The following TTC7B variants were observed in gnomAD, a reference collection of about 807,000 sequenced individuals.
The protein encoded by TTC7B is tetratricopeptide repeat domain 7B, also known as tetratricopeptide repeat protein 7B.
Under a neutral mutation model 106.8 loss-of-function variants are expected in TTC7B, and 28 were observed. The observed-to-expected ratio is 0.26, with a 90% CI of 0.19 to 0.36. TTC7B has a LOEUF of 0.36. Among genes scored for constraint, TTC7B ranks in the 10% least tolerant of loss-of-function variants. TTC7B has a pLI of 1.00. For synonymous variants in TTC7B, 405 were observed against 430.6 expected, an observed-to-expected ratio of 0.94 and a Z score of 0.74; for missense variants, 862 against 1,076.4, an observed-to-expected ratio of 0.80 and a Z score of 2.79.
intron 4 of TTC7B, 74 bp downstream of exon 4, chr14:90,744,718 A>G: frequency 6.7e-7 from 1 of 1,498,794 alleles, no homozygotes; most frequent in East Asian, 2.3e-5. Context: ...AGCTTCCTAG[A>G]GATTAATCTC....
chr14:90,614,367 CCTAA>C (rs139926323), intron 16 of TTC7B, among the ~76,000 whole-genome samples: 2,675 of 152,306 alleles, frequency 0.018, 26 homozygotes, highest in South Asian at 0.041. Flanking sequence ...ATCTCTGACT[CCTAA>C]CTGAGGTTAG....
rs988750683 is a variant in TTC7B, at chr14:90,771,797, C to CGT, written c.445+8939_445+8940dup. On this transcript the variant is annotated intron_variant, in intron 3 of 19. Transcript: ENST00000328459. ...AATACATATAATGCGTGTGTGTGCA[C>CGT]GTGTGTGTGTGTAACAGTGGTTAAC... Among the ~76,000 whole-genome samples, 4 of 150,260 alleles carry CGT rather than the reference C, an allele frequency of 2.7e-5. No homozygotes were observed. In the South Asian group the frequency reaches 6.3e-4, roughly 24 times the overall value.
At chr14:90,811,584 G>A (rs1053222617) in intron 1 of TTC7B, among the ~76,000 whole-genome samples, 4 of 152,138 alleles carry the variant, frequency 2.6e-5, no homozygotes, top group Admixed American at 6.5e-5. Context: ...GTGGATGCCC[G>A]TGCTTAAAAC....
At chr14:90,719,531 G>A (rs1367199568) in intron 5 of TTC7B, among the ~76,000 whole-genome samples, 2 of 152,138 alleles carry the variant, frequency 1.3e-5, no homozygotes, top group Admixed American at 6.6e-5. Flanking sequence ...GAAGACGTGG[G>A]GCCTGAGATG....
chr14:90,645,932 A>G (rs1315388694), intron 14 of TTC7B, among the ~76,000 whole-genome samples: 1 of 152,202 alleles, frequency 6.6e-6, no homozygotes. Context: ...GGCAAAAGGA[A>G]GAAGTGCAGG....
At position 90,625,854 on chromosome 14, in the gene TTC7B, T is replaced by C. The variant is rs189692786; in HGVS notation, c.1752-7809A>G. 1.2e-3 allele frequency among the ~76,000 whole-genome samples: 184 copies of C among 152,366 alleles called. 1 individual carries two copies. The highest frequency in any genetic ancestry group is 4.0e-3 in the African/African-American group (168 of 41,588). On this transcript the variant is annotated intron_variant, in intron 15 of 19. Coordinates refer to ENST00000328459, the MANE Select transcript of TTC7B (RefSeq NM_001010854.2). ...TCATCTGGCTTACCCAATTGCTGCATTGATGTGCTATTCATTGGGGTTCAT... is the reference window on the plus strand; with the variant it reads ...TCATCTGGCTTACCCAATTGCTGCACTGATGTGCTATTCATTGGGGTTCAT...
intron 13 of TTC7B, among the ~76,000 whole-genome samples, chr14:90,649,582 A>G (rs548144272): frequency 6.6e-6 from 1 of 152,334 alleles, no homozygotes; most frequent in African/African-American, 2.4e-5. Flanking sequence ...TAGACTGCTC[A>G]GAAATACCTA....
intron 19 of TTC7B, among the ~76,000 whole-genome samples, chr14:90,563,369 C>CACTACAGTGTGTCTAT (rs1333855675): frequency 3.3e-5 from 5 of 152,234 alleles, no homozygotes; most frequent in African/African-American, 1.2e-4. Flanking sequence ...GGTGTGTTTA[C>CACTACAGTGTGTCTAT]ACTACAGTGT....
Position 90,796,990 on chromosome 14 carries a change from C to T in TTC7B, c.122-10662G>A, listed in dbSNP as rs370583738. Among the ~76,000 whole-genome samples the T allele has an allele frequency of 9.2e-4, 140 of 151,438 alleles. 1 individual carries two copies. In the South Asian group the frequency reaches 0.027, roughly 29 times the overall value. On this transcript the variant is annotated intron_variant, in intron 1 of 19. Coordinates refer to ENST00000328459, the MANE Select transcript of TTC7B (RefSeq NM_001010854.2). ...CCTCCCGAGTAGCTGGGATTACAGG[C>T]GCGCACCACCACACCAGGCTAATTT...
chr14:90,620,892 GGGCTTGCATTT>G (rs1566802750), intron 15 of TTC7B, among the ~76,000 whole-genome samples: 1 of 152,186 alleles, frequency 6.6e-6, no homozygotes, highest in African/African-American at 2.4e-5. Context: ...GAAAAGGTGT[GGGCTTGCATTT>G]CAGAGAACCA....
chr14:90,558,558 C>T (rs949598063), intron 19 of TTC7B, among the ~76,000 whole-genome samples: 9 of 152,258 alleles, frequency 5.9e-5, no homozygotes. Context: ...ACTATTTTTC[C>T]ATTTTTAAAT....
At chr14:90,543,440 CA>C (rs998351807) in intron 19 of TTC7B, among the ~76,000 whole-genome samples, 2 of 152,176 alleles carry the variant, frequency 1.3e-5, no homozygotes, top group African/African-American at 2.4e-5. Context: ...TTACATGAAT[CA>C]GGGGCCTTCC....
In TTC7B at chr14:90,805,218, G is replaced by A. The variant is rs570671850; in HGVS notation, c.121+10957C>T. Among the ~76,000 whole-genome samples the A allele has an allele frequency of 3.3e-5, 5 of 152,324 alleles. No homozygotes were observed. In the South Asian group the frequency reaches 1.0e-3, roughly 32 times the overall value. ...CGGGCCAGTGGCTGGCACACAGTAG[G>A]TGTTCAGTAAGAGCTCGATGAGTAA... On this transcript the variant is annotated intron_variant, in intron 1 of 19. Coordinates refer to ENST00000328459, the MANE Select transcript of TTC7B (RefSeq NM_001010854.2). The surrounding 1 kb of genome is among the most constrained non-coding windows in gnomAD (Gnocchi z 4.0).
At chr14:90,604,487 T>C (rs996273109) in intron 17 of TTC7B, among the ~76,000 whole-genome samples, 3 of 152,212 alleles carry the variant, frequency 2.0e-5, no homozygotes, top group African/African-American at 7.2e-5. Flanking sequence ...GGTAATCTAG[T>C]TTCTGCCCTG....
At position 90,741,862 on chromosome 14, in the gene TTC7B, A is replaced by G. The variant is rs189457737; in HGVS notation, c.576+2930T>C. On this transcript the variant is annotated intron_variant, in intron 4 of 19. Transcript: ENST00000328459. ...TCAAAACAGATGTTGGGTTCATTCA[A>G]TCTCTCTCATTGCTAATATCTCAGC... Among the ~76,000 whole-genome samples, 222 of 152,136 alleles carry G rather than the reference A, an allele frequency of 1.5e-3. 1 individual carries two copies. Among genetic ancestry groups the G allele is most frequent in the African/African-American group, 5.2e-3 (217 of 41,504 alleles).
At chr14:90,736,180 C>T (rs1595335542) in intron 4 of TTC7B, among the ~76,000 whole-genome samples, 1 of 150,318 alleles carries the variant, frequency 6.7e-6, no homozygotes, top group East Asian at 1.9e-4. Flanking sequence ...CACAATGAAC[C>T]CCAACTACAT....
intron 15 of TTC7B, among the ~76,000 whole-genome samples, chr14:90,620,910 A>G (rs1479314416): frequency 6.6e-6 from 1 of 152,232 alleles, no homozygotes; most frequent in African/African-American, 2.4e-5. Context: ...ATTTCAGAGA[A>G]CCAGACAGGA....
chr14:90,596,137 C>T (rs1408004040), intron 17 of TTC7B, among the ~76,000 whole-genome samples: 2 of 152,060 alleles, frequency 1.3e-5, no homozygotes, highest in Non-Finnish European at 2.9e-5. Flanking sequence ...CATGTTTTAA[C>T]AGACATGTTT....
chr14:90,594,195 C>T (rs995699659), intron 17 of TTC7B, among the ~76,000 whole-genome samples: 1 of 152,132 alleles, frequency 6.6e-6, no homozygotes, highest in African/African-American at 2.4e-5. Context: ...CACACTTTTG[C>T]CCTGTGTATA....
Sources: gnomAD v4.1 joint callset for allele counts (sites outside exome capture counted in the v4.1 genomes callset) on GRCh38, gnomAD v4.1.1 for gene constraint, Gnocchi (gnomAD v3.1) non-coding constraint, MANE v1.5 for transcripts, NCBI Gene and HGNC (gene_info 2026-07-23, HGNC 2026-07-21) for gene names.